The following CDH13 variants were observed in gnomAD, a reference collection of about 807,000 sequenced individuals.
CDH13 encodes the protein cadherin-13.
Under a neutral mutation model 63.8 loss-of-function variants are expected in CDH13, and 24 were observed. The ratio of observed to expected loss-of-function variants is 0.38; its 90% CI spans 0.27 to 0.53. CDH13 has a LOEUF of 0.53. CDH13 is among the 20% of genes least tolerant of loss of function. The probability of loss-of-function intolerance (pLI) is 0.85; values close to 1 mark genes in which losing one functional copy is unlikely to be tolerated. For synonymous variants in CDH13, 503 were observed against 355.3 expected (o/e 1.42, Z -4.67); for missense variants, 1,049 against 903.1 (o/e 1.16, Z -2.07).
chr16:83,025,617 G>T (rs1360193533), intron 2 of CDH13, among the ~76,000 whole-genome samples: 1 of 152,138 alleles, frequency 6.6e-6, no homozygotes, highest in Non-Finnish European at 1.5e-5. Context: ...AGATTTTGGT[G>T]GGGACACAGC....
chr16:82,973,961 T>TGTCCAGGCTGGAGTGCAG (rs1442277359), intron 2 of CDH13, among the ~76,000 whole-genome samples: 1 of 152,164 alleles, frequency 6.6e-6, no homozygotes, highest in Non-Finnish European at 1.5e-5. Context: ...TACCCACTGT[T>TGTCCAGGCTGGAGTGCAG]GTCCAGGCTG....
At chr16:83,664,258 G>C (rs1412965647) in intron 8 of CDH13, among the ~76,000 whole-genome samples, 2 of 152,038 alleles carry the variant, frequency 1.3e-5, no homozygotes, top group African/African-American at 4.8e-5. Flanking sequence ...GTCACTTCAG[G>C]GCCTGACTAT....
At chr16:83,292,108 G>C (rs1395889391) in intron 5 of CDH13, among the ~76,000 whole-genome samples, 1 of 152,148 alleles carries the variant, frequency 6.6e-6, no homozygotes, top group African/African-American at 2.4e-5. Context: ...GTGTCAGGTT[G>C]TAACAAAACA....
At chr16:82,811,249 A>G (rs1423575293) in intron 1 of CDH13, among the ~76,000 whole-genome samples, 1 of 152,146 alleles carries the variant, frequency 6.6e-6, no homozygotes, top group African/African-American at 2.4e-5. Context: ...CCACGGTGAG[A>G]GAATTTATAT....
intron 4 of CDH13, among the ~76,000 whole-genome samples, chr16:83,189,381 C>G (rs1567491336): frequency 6.6e-6 from 1 of 152,204 alleles, no homozygotes; most frequent in South Asian, 2.1e-4. Context: ...GGATTACCTC[C>G]TCATGCTATT....
At chr16:82,934,013 A>T (rs534002888) in intron 2 of CDH13, among the ~76,000 whole-genome samples, 1 of 152,148 alleles carries the variant, frequency 6.6e-6, no homozygotes, top group African/African-American at 2.4e-5. Flanking sequence ...TGGATCTACC[A>T]TCCTGGGGTC....
chr16:82,882,767 A>T (rs1014880564), intron 2 of CDH13, among the ~76,000 whole-genome samples: 2 of 152,038 alleles, frequency 1.3e-5, no homozygotes, highest in African/African-American at 4.8e-5. Context: ...TTAAAAATTT[A>T]TTCATACGCT....
At chr16:82,632,159 G>A (rs773326232) in intron 1 of CDH13, among the ~76,000 whole-genome samples, 17 of 152,158 alleles carry the variant, frequency 1.1e-4, no homozygotes, top group Admixed American at 2.0e-4. Flanking sequence ...ACGTGCCTCC[G>A]TAGCTTGCCA....
At chr16:83,167,027 G>A (rs536940721) in intron 4 of CDH13, among the ~76,000 whole-genome samples, 1 of 152,082 alleles carries the variant, frequency 6.6e-6, no homozygotes, top group Non-Finnish European at 1.5e-5. Flanking sequence ...GAAGTTGCAA[G>A]TTACATGAAA....
chr16:83,167,063 G>A (rs764479796), intron 4 of CDH13, among the ~76,000 whole-genome samples: 5 of 151,986 alleles, frequency 3.3e-5, no homozygotes, highest in Non-Finnish European at 5.9e-5. Flanking sequence ...AAGAAAACAC[G>A]GCAGATTTCT....
At chr16:82,853,577 C>T (rs1339247645) in intron 1 of CDH13, among the ~76,000 whole-genome samples, 1 of 152,146 alleles carries the variant, frequency 6.6e-6, no homozygotes, top group African/African-American at 2.4e-5. Flanking sequence ...AAGGATAGCC[C>T]GCTGGTAAAC....
intron 8 of CDH13, among the ~76,000 whole-genome samples, chr16:83,622,703 A>G (rs953681204): frequency 2.0e-5 from 3 of 152,216 alleles, no homozygotes; most frequent in Non-Finnish European, 4.4e-5. Flanking sequence ...CAATTTTTAA[A>G]TCTTTTTACA....
chr16:83,559,405 C>T (rs190842984), intron 7 of CDH13, among the ~76,000 whole-genome samples: 1 of 152,010 alleles, frequency 6.6e-6, no homozygotes, highest in Admixed American at 6.5e-5. Flanking sequence ...AACCCTGTCT[C>T]TACTAAAAAT....
chr16:83,159,483 C>T (rs1162974366), intron 4 of CDH13, among the ~76,000 whole-genome samples: 1 of 152,130 alleles, frequency 6.6e-6, no homozygotes, highest in African/African-American at 2.4e-5. Flanking sequence ...GAGCTAAAGT[C>T]TCTATGGGAA....
intron 1 of CDH13, among the ~76,000 whole-genome samples, chr16:82,738,610 C>A (rs114075630): frequency 3.4e-4 from 52 of 152,332 alleles, no homozygotes; most frequent in African/African-American, 1.2e-3. Context: ...ACAGCACTAC[C>A]TACTAAAATA....
chr16:83,105,649 C>T (rs2034726958), intron 3 of CDH13, among the ~76,000 whole-genome samples: 1 of 147,204 alleles, frequency 6.8e-6, no homozygotes, highest in South Asian at 2.1e-4. Flanking sequence ...ATAGATACTA[C>T]TTATTAAAGT....
chr16:83,047,856 G>A lies in CDH13; in HGVS notation c.366+15638G>A, dbSNP rs1277989319. 6.6e-6 allele frequency among the ~76,000 whole-genome samples: 1 copy of A among 152,086 alleles called. No homozygotes were observed. Among genetic ancestry groups the A allele is most frequent in the East Asian group, 1.9e-4 (1 of 5,188 alleles). On this transcript the variant is annotated intron_variant, in intron 3 of 13. Transcript: ENST00000567109. This position sits in a 1 kb window ranked among gnomAD's most constrained non-coding sequence, Gnocchi z 4.9. ...ATCTTTATAATAACTCTATAATATA[G>A]GTCCTATTTTATCTTCATTTTACAG...
intron 5 of CDH13, among the ~76,000 whole-genome samples, chr16:83,232,489 G>A (rs1369132426): frequency 1.3e-5 from 2 of 150,176 alleles, no homozygotes; most frequent in Admixed American, 1.3e-4. Flanking sequence ...TGCGCCAGCT[G>A]CACTCCAGCC....
At chr16:83,741,561 C>A (rs1307044287) in intron 10 of CDH13, among the ~76,000 whole-genome samples, 1 of 151,702 alleles carries the variant, frequency 6.6e-6, no homozygotes, top group Non-Finnish European at 1.5e-5. Context: ...ATAGATCCAT[C>A]TTCCATCTAT....
Sources: gnomAD v4.1 joint callset for allele counts (sites outside exome capture counted in the v4.1 genomes callset) on GRCh38, gnomAD v4.1.1 for gene constraint, Gnocchi (gnomAD v3.1) non-coding constraint, MANE v1.5 for transcripts, NCBI Gene and HGNC (gene_info 2026-07-23, HGNC 2026-07-21) for gene names.